Variants in MAPK4 observed in about 807,000 individuals in gnomAD.
MAPK4 encodes mitogen-activated protein kinase 4.
In MAPK4, 22 loss-of-function variants were observed where a neutral mutation model predicts 47.7. The ratio of observed to expected loss-of-function variants is 0.46; its 90% CI spans 0.33 to 0.66. MAPK4 has a LOEUF of 0.66. Ranked by LOEUF, MAPK4 falls within the 30% of genes least tolerant of loss-of-function variation. The probability of loss-of-function intolerance (pLI) is 0.02; values close to 1 mark genes in which losing one functional copy is unlikely to be tolerated. For missense variants in MAPK4, 736 were observed against 831.7 expected (o/e 0.88, Z 1.42); for synonymous variants, 390 against 365.7 (o/e 1.07, Z -0.76).
chr18:50,699,312 C>G (rs1054688095), intron 2 of MAPK4, among the ~76,000 whole-genome samples: 1 of 152,082 alleles, frequency 6.6e-6, no homozygotes, highest in Non-Finnish European at 1.5e-5. Flanking sequence ...ATGTTAAAAG[C>G]TTTTTCTTTA....
chr18:50,598,001 T>C (rs2042499315), intron 1 of MAPK4, among the ~76,000 whole-genome samples: 2 of 152,200 alleles, frequency 1.3e-5, no homozygotes, highest in African/African-American at 2.4e-5. Context: ...TTTGGGACAA[T>C]GAAACAACTT....
At chr18:50,688,664 C>T (rs1909023645) in intron 2 of MAPK4, among the ~76,000 whole-genome samples, 1 of 151,950 alleles carries the variant, frequency 6.6e-6, no homozygotes, top group Non-Finnish European at 1.5e-5. Flanking sequence ...TATGTTCTCA[C>T]TCATAAGTTG....
At chr18:50,631,969 A>C (rs977958447) in intron 1 of MAPK4, among the ~76,000 whole-genome samples, 4 of 152,178 alleles carry the variant, frequency 2.6e-5, no homozygotes, top group Non-Finnish European at 5.9e-5. Context: ...CACAAAGTGA[A>C]CTTGGAAAGT....
At chr18:50,579,600 G>T (rs1034533700) in intron 1 of MAPK4, among the ~76,000 whole-genome samples, 1 of 152,122 alleles carries the variant, frequency 6.6e-6, no homozygotes, top group Middle Eastern at 3.2e-3. Flanking sequence ...CTTGAGAGCA[G>T]ATTAAAAGCC....
At chr18:50,560,034 G>A (rs1179301851), upstream of MAPK4, 1 of 148,392 alleles carries the variant, frequency 6.7e-6, no homozygotes, top group Non-Finnish European at 1.5e-5. Flanking sequence ...CCGGCTCTGG[G>A]CGGAGCCGAG....
chr18:50,616,200 A>G (rs1359161344), intron 1 of MAPK4, among the ~76,000 whole-genome samples: 1 of 152,150 alleles, frequency 6.6e-6, no homozygotes, highest in Non-Finnish European at 1.5e-5. Context: ...GGGGCTTCTA[A>G]TGCTACAAAG....
chr18:50,730,599 G>A lies in MAPK4; in HGVS notation c.*745G>A, dbSNP rs895347829. On this transcript the variant is annotated 3_prime_UTR_variant, in exon 6 of 6. Coordinates refer to ENST00000400384, the MANE Select transcript of MAPK4 (RefSeq NM_002747.4). ...CACCCCTGCATGGTCGGAAATCTTC[G>A]TTTCAGGTCAGAACAGCCTGGGGTC... 2 of 152,564 alleles carry A rather than the reference G, an allele frequency of 1.3e-5. No homozygotes were observed. Among genetic ancestry groups the A allele is most frequent in the African/African-American group, 4.8e-5 (2 of 41,388 alleles). The allele number at this position is 152,564 out of a possible 1,614,324, so 9.5% of individuals were successfully genotyped here.
chr18:50,697,957 A>T (rs1909597557), intron 2 of MAPK4, among the ~76,000 whole-genome samples: 1 of 152,170 alleles, frequency 6.6e-6, no homozygotes, highest in Admixed American at 6.5e-5. Context: ...ACTCTAGGAA[A>T]TACTGAACTG....
At chr18:50,694,953 A>G (rs902626607) in intron 2 of MAPK4, among the ~76,000 whole-genome samples, 1 of 152,198 alleles carries the variant, frequency 6.6e-6, no homozygotes, top group African/African-American at 2.4e-5. Flanking sequence ...TAAGCATTAA[A>G]TAACCCTAAA....
intron 2 of MAPK4, among the ~76,000 whole-genome samples, chr18:50,697,898 G>A (rs1294578497): frequency 6.6e-6 from 1 of 152,126 alleles, no homozygotes; most frequent in Non-Finnish European, 1.5e-5. Flanking sequence ...GGCTTGTCAA[G>A]GCCTTCTTTA....
chr18:50,623,585 A>G (rs2042751043), intron 1 of MAPK4, among the ~76,000 whole-genome samples: 1 of 152,116 alleles, frequency 6.6e-6, no homozygotes, highest in African/African-American at 2.4e-5. Flanking sequence ...CTAAGCCACC[A>G]TCATCACCTG....
chr18:50,675,418 G>A (rs1234857435), intron 2 of MAPK4, among the ~76,000 whole-genome samples: 10 of 151,378 alleles, frequency 6.6e-5, no homozygotes, highest in Non-Finnish European at 1.5e-4. Context: ...CCGGGTTCAT[G>A]CGATTCTCCT....
intron 3 of MAPK4, among the ~76,000 whole-genome samples, chr18:50,720,935 TGACTGGAA>T (rs1386255269): frequency 6.6e-6 from 1 of 152,144 alleles, no homozygotes; most frequent in African/African-American, 2.4e-5. Flanking sequence ...CTAGGCTGGA[TGACTGGAA>T]GACTGGAATC....
In MAPK4 at chr18:50,663,701, C is replaced by T. The variant is rs1907410568; in HGVS notation, c.-258C>T. 2.6e-6 allele frequency: 1 copy of T among 384,462 alleles called. No individual in the cohort carries two copies. Among genetic ancestry groups the T allele is most frequent in the African/African-American group, 2.0e-5 (1 of 49,730 alleles). The allele number at this position is 384,462 out of a possible 1,614,324, so 23.8% of individuals were successfully genotyped here. A position where few individuals can be genotyped will look rare whatever the true frequency, so the allele number is the denominator to read the frequency against. On this transcript the variant is annotated 5_prime_UTR_variant, in exon 2 of 6. Transcript: ENST00000400384. ...TAAGCTTTAAGAAGGGTTCAGGAAACACAGGAATTAGTAGACAGCCCTCCC... is the reference window on the plus strand; with the variant it reads ...TAAGCTTTAAGAAGGGTTCAGGAAATACAGGAATTAGTAGACAGCCCTCCC...
Position 50,664,138 on chromosome 18 carries a change from G to A in MAPK4, c.180G>A (p.Lys60=), listed in dbSNP as rs947030584. The A allele has an allele frequency of 1.1e-5, 18 of 1,614,170 alleles. No individual in the cohort carries two copies. Among genetic ancestry groups the A allele is most frequent in the Non-Finnish European group, 1.5e-5 (18 of 1,180,042 alleles). ...CCCTGAGCGATGCCCGCAGCATGAA[G>A]CACGCGCTCCGAGAGATCAAGATCA... is the stretch of plus-strand genomic sequence containing the variant. ...KIALSDARSM[K]HALREIKIIR... Residue 60 remains lysine (K), a synonymous_variant, in exon 2 of 6, where the codon AAG becomes AAA. Coordinates refer to ENST00000400384, the MANE Select transcript of MAPK4 (RefSeq NM_002747.4). This position sits in a 1 kb window ranked among gnomAD's most constrained non-coding sequence, Gnocchi z 6.0.
chr18:50,712,792 C>A (rs900783275), intron 2 of MAPK4, among the ~76,000 whole-genome samples: 3 of 152,154 alleles, frequency 2.0e-5, no homozygotes, highest in African/African-American at 7.2e-5. Flanking sequence ...GAGAAAACTC[C>A]CCTGAAGCTA....
chr18:50,675,973 C>T (rs534575937), intron 2 of MAPK4, among the ~76,000 whole-genome samples: 1 of 152,310 alleles, frequency 6.6e-6, no homozygotes, highest in South Asian at 2.1e-4. Flanking sequence ...AGCACAGCAT[C>T]AGTGGGGATG....
At chr18:50,715,027 G>GACCCAA in intron 2 of MAPK4, 52 bp from the exon 3 acceptor site, 2 of 1,587,618 alleles carry the variant, frequency 1.3e-6, no homozygotes, top group Non-Finnish European at 1.7e-6. Flanking sequence ...GGCGTGGGAG[G>GACCCAA]AAGGGTATCC....
At chr18:50,559,891 G>A (rs1489504915), upstream of MAPK4, among the ~76,000 whole-genome samples, 1 of 151,416 alleles carries the variant, frequency 6.6e-6, no homozygotes, top group Non-Finnish European at 1.5e-5. Context: ...CCAGGACCGC[G>A]CGGCTGAGCG....
Sources: allele counts gnomAD v4.1 joint callset (sites outside exome capture counted in the v4.1 genomes callset), GRCh38; gene constraint gnomAD v4.1.1; non-coding constraint Gnocchi (gnomAD v3.1); transcripts MANE v1.5; gene names NCBI Gene and HGNC (gene_info 2026-07-23, HGNC 2026-07-21).